ATP2C2: variants seen among roughly 807,000 people sequenced by gnomAD.
The protein encoded by ATP2C2 is calcium-transporting ATPase type 2C member 2.
ATP2C2 carries 171 observed loss-of-function variants against 110.8 expected under a neutral mutation model. That is an observed-to-expected ratio of 1.54 (90% CI 1.36 to 1.75). ATP2C2 has a LOEUF of 1.75. Among genes scored for constraint, ATP2C2 ranks in the 40% most tolerant of loss-of-function variants. The pLI, the probability that ATP2C2 is intolerant of heterozygous loss-of-function variation, is 0.00. For missense variants in ATP2C2, 1,963 were observed against 1,235.0 expected (o/e 1.59, Z -8.84); for synonymous variants, 804 against 508.4 (o/e 1.58, Z -7.82).
chr16:84,393,338 A>G (rs1034275999), intron 1 of ATP2C2, among the ~76,000 whole-genome samples: 6 of 152,250 alleles, frequency 3.9e-5, no homozygotes, highest in East Asian at 1.9e-4. Flanking sequence ...AGTCTCCCAA[A>G]TGCAGGGCGA....
chr16:84,451,828 AAC>A (rs1910293790), intron 17 of ATP2C2, 91 bp from the exon 18 acceptor site: 3 of 1,311,048 alleles, frequency 2.3e-6, no homozygotes, highest in Non-Finnish European at 3.2e-6. Flanking sequence ...ATAAGAACAA[AAC>A]TCTCTTAAAA....
intron 6 of ATP2C2, among the ~76,000 whole-genome samples, chr16:84,412,921 C>G (rs1342093160): frequency 6.8e-6 from 1 of 147,286 alleles, no homozygotes; most frequent in East Asian, 2.0e-4. Flanking sequence ...CATGGTGAAA[C>G]TCTGTCTCTA....
intron 1 of ATP2C2, among the ~76,000 whole-genome samples, chr16:84,391,932 A>G (rs1279739645): frequency 6.6e-6 from 1 of 151,480 alleles, no homozygotes; most frequent in Non-Finnish European, 1.5e-5. Context: ...TTTTTAAAAC[A>G]AAACTAGGAT....
chr16:84,423,351 C>G, intron 10 of ATP2C2, 88 bp downstream of exon 10: 2 of 1,252,348 alleles, frequency 1.6e-6, no homozygotes, highest in Non-Finnish European at 1.2e-6. Context: ...TCTCAAATAT[C>G]TTGCTACTCA....
rs374340553 is a variant in ATP2C2 at position 84,448,728 on chromosome 16, C to A, written c.1660+39C>A. On this transcript the variant is annotated intron_variant, in intron 17 of 26. Transcript: ENST00000262429. ...GTCCCGGCCCAGAGCTTTAAGCTTG[C>A]ATGTAACATTGACTTTTAAGTGCAT... is the stretch of plus-strand genomic sequence containing the variant. 1.0e-5 allele frequency: 16 copies of A among 1,579,182 alleles called. No homozygotes were observed. The African/African-American group carries it at 1.9e-4, about 19-fold the overall frequency.
chr16:84,417,023 G>T (rs1567708969), intron 7 of ATP2C2, among the ~76,000 whole-genome samples: 1 of 152,206 alleles, frequency 6.6e-6, no homozygotes, highest in Non-Finnish European at 1.5e-5. Context: ...TATGAGAGGT[G>T]GCCAATGACC....
intron 7 of ATP2C2, among the ~76,000 whole-genome samples, chr16:84,416,099 G>A (rs1332368448): frequency 1.3e-5 from 2 of 152,176 alleles, no homozygotes; most frequent in African/African-American, 4.8e-5. Context: ...ACTTGAACCC[G>A]GGAGGCGGAG....
At chr16:84,421,228 C>T (rs981085156) in intron 7 of ATP2C2, among the ~76,000 whole-genome samples, 3 of 152,190 alleles carry the variant, frequency 2.0e-5, no homozygotes, top group Admixed American at 6.5e-5. Context: ...GAGCTGGAGC[C>T]GCGGGAGCCA....
At chr16:84,443,482 C>T (rs1272876265) in intron 15 of ATP2C2, among the ~76,000 whole-genome samples, 2 of 152,194 alleles carry the variant, frequency 1.3e-5, no homozygotes, top group African/African-American at 4.8e-5. Flanking sequence ...GGTGCTCATC[C>T]CCCAGCACGG....
At chr16:84,440,304 G>A (rs936910593) in intron 13 of ATP2C2, among the ~76,000 whole-genome samples, 24 of 152,208 alleles carry the variant, frequency 1.6e-4, no homozygotes, top group African/African-American at 5.5e-4. Flanking sequence ...TGGCGTAATT[G>A]GAAGCTCTCT....
intron 6 of ATP2C2, among the ~76,000 whole-genome samples, chr16:84,415,102 C>G (rs1906715272): frequency 6.6e-6 from 1 of 152,128 alleles, no homozygotes; most frequent in Non-Finnish European, 1.5e-5. Flanking sequence ...TCTGCCATCC[C>G]TGACTTCCTG....
chr16:84,390,691 G>T (rs1219896994), intron 1 of ATP2C2, among the ~76,000 whole-genome samples: 2 of 152,134 alleles, frequency 1.3e-5, no homozygotes, highest in African/African-American at 4.8e-5. Flanking sequence ...AAAGTGTTTG[G>T]GGATGAGCTC....
intron 13 of ATP2C2, 63 bp from the exon 14 acceptor site, chr16:84,440,794 G>A: frequency 7.7e-7 from 1 of 1,291,720 alleles, no homozygotes; most frequent in African/African-American, 1.4e-5. Context: ...AGAGATTGTG[G>A]GCCAACTGGG....
At chr16:84,435,786 C>T (rs1908682004) in intron 11 of ATP2C2, among the ~76,000 whole-genome samples, 1 of 151,776 alleles carries the variant, frequency 6.6e-6, no homozygotes, top group South Asian at 2.1e-4. Flanking sequence ...TTGATGGTGA[C>T]ACTGCACTCC....
chr16:84,433,242 G>C (rs1908435994), intron 11 of ATP2C2, among the ~76,000 whole-genome samples: 1 of 151,990 alleles, frequency 6.6e-6, no homozygotes, highest in Non-Finnish European at 1.5e-5. Flanking sequence ...TATTAGCCAG[G>C]TATGGTGGTG....
chr16:84,442,768 C>G (rs551879646), intron 15 of ATP2C2, among the ~76,000 whole-genome samples, 169 bp downstream of exon 15: 2 of 144,194 alleles, frequency 1.4e-5, no homozygotes, highest in Admixed American at 1.4e-4. Flanking sequence ...AGGAGGTGAG[C>G]TCTGAGATTC....
chr16:84,441,062 A>G lies in ATP2C2; in HGVS notation c.1311+104A>G, dbSNP rs1223839768. The G allele has an allele frequency of 2.1e-5, 21 of 988,358 alleles. No homozygotes were observed. The South Asian group carries it at 2.6e-4, about 12-fold the overall frequency. The allele number at this position is 988,358 out of a possible 1,614,324, so 61.2% of individuals were successfully genotyped here. On this transcript the variant is annotated intron_variant, in intron 14 of 26. Transcript: ENST00000262429. ...CCATTGAACCTACTGGTTCTTGACA[A>G]TGACTGGCCCATCCAGGGGTGAGGC...
chr16:84,380,994 C>T (rs954477472), intron 1 of ATP2C2, among the ~76,000 whole-genome samples: 6 of 152,160 alleles, frequency 3.9e-5, no homozygotes, highest in South Asian at 2.1e-4. Flanking sequence ...GCCCGGCCAA[C>T]GTAGTGAATT....
At chr16:84,408,992 C>G (rs992807633) in intron 4 of ATP2C2, among the ~76,000 whole-genome samples, 2 of 152,136 alleles carry the variant, frequency 1.3e-5, no homozygotes, top group African/African-American at 4.8e-5. Context: ...TTTCATCACC[C>G]AGAAGGAAAC....
Sources: gnomAD v4.1 joint callset for allele counts (sites outside exome capture counted in the v4.1 genomes callset) on GRCh38, gnomAD v4.1.1 for gene constraint, MANE v1.5 for transcripts, NCBI Gene and HGNC (gene_info 2026-07-23, HGNC 2026-07-21) for gene names.